The following PLCL1 variants were observed in gnomAD, a reference collection of about 807,000 sequenced individuals.
The protein encoded by PLCL1 is phospholipase C like 1 (inactive).
Under a neutral mutation model 84.4 loss-of-function variants are expected in PLCL1, and 41 were observed. That is an observed-to-expected ratio of 0.49 (90% CI 0.38 to 0.63). The LOEUF is 0.63. Ranked by LOEUF, PLCL1 falls within the 30% of genes least tolerant of loss-of-function variation. The pLI is 0.00. For missense variants in PLCL1, 1,206 were observed against 1,367.8 expected (o/e 0.88, Z 1.87); for synonymous variants, 490 against 488.3 (o/e 1.00, Z -0.05).
chr2:197,833,878 A>G (rs1025451796), intron 1 of PLCL1, among the ~76,000 whole-genome samples: 17 of 152,248 alleles, frequency 1.1e-4, no homozygotes, highest in African/African-American at 2.4e-5. Context: ...AGCAAAAAGA[A>G]CAAAGCTGGA....
rs1430883028 is a variant in PLCL1 at position 198,029,832 on chromosome 2, C to T, written c.241-53926C>T. Among the ~76,000 whole-genome samples, 7 of 103,732 alleles carry T rather than the reference C, an allele frequency of 6.7e-5. No homozygotes were observed. The Admixed American group carries it at 7.0e-4, about 10-fold the overall frequency. 68.1% of individuals were successfully genotyped at this position (103,732 alleles called of 152,430 possible). A position where few individuals can be genotyped will look rare whatever the true frequency, so the allele number is the denominator to read the frequency against. On this transcript the variant is annotated intron_variant, in intron 1 of 5. Transcript: ENST00000428675. ...TCTCCTGCTTCAGTTTCCTGAGTAG[C>T]TGGGATTACAGGCATGCATCACCAT...
intron 1 of PLCL1, among the ~76,000 whole-genome samples, chr2:198,032,818 T>C: frequency 6.6e-6 from 1 of 152,174 alleles, no homozygotes; most frequent in East Asian, 1.9e-4. Context: ...GTTATCTTAA[T>C]TATTATTATC....
At chr2:198,100,013 G>A (rs1304382743) in intron 3 of PLCL1, among the ~76,000 whole-genome samples, 1 of 152,102 alleles carries the variant, frequency 6.6e-6, no homozygotes, top group African/African-American at 2.4e-5. Context: ...AAATAAGAGT[G>A]GAGAAATCTA....
intron 1 of PLCL1, among the ~76,000 whole-genome samples, chr2:197,898,835 A>G (rs951754272): frequency 9.9e-5 from 15 of 151,122 alleles, no homozygotes; most frequent in Middle Eastern, 3.2e-3. Flanking sequence ...CAATTGTAGC[A>G]TAAGGATAAT....
intron 1 of PLCL1, among the ~76,000 whole-genome samples, chr2:198,064,726 CA>C (rs1692282716): frequency 6.6e-6 from 1 of 151,984 alleles, no homozygotes; most frequent in African/African-American, 2.4e-5. Context: ...GGAACTTTGC[CA>C]AAATTGTATT....
In PLCL1 at chr2:198,013,065, A is replaced by G. The variant is rs540327393; in HGVS notation, c.241-70693A>G. 1.0e-3 allele frequency among the ~76,000 whole-genome samples: 158 copies of G among 152,124 alleles called. 5 individuals carry two copies. The South Asian group carries it at 0.032, about 31-fold the overall frequency. On this transcript the variant is annotated intron_variant, in intron 1 of 5. Transcript: ENST00000428675. The stretch of plus-strand genomic sequence containing the variant: ...GAACATAGATTTATCATTACTTTTT[A>G]TGCTTTATTAAATAGATTTTAAAAA...
Position 198,087,236 on chromosome 2 carries a change from G to A in PLCL1, c.2715+1004G>A, listed in dbSNP as rs181176071. Among the ~76,000 whole-genome samples, 24 of 152,064 alleles carry A rather than the reference G, an allele frequency of 1.6e-4. No homozygotes were observed. In the East Asian group the frequency reaches 4.3e-3, roughly 27 times the overall value. On this transcript the variant is annotated intron_variant, in intron 2 of 5. Transcript: ENST00000428675. The stretch of plus-strand genomic sequence containing the variant: ...GGTAAGAAAAATAGTTACACTTATC[G>A]CAAAATTATTATTAGAGTAAAATTA...
rs1299386153 is a variant in PLCL1 at position 197,805,230 on chromosome 2, A to G, written c.131A>G (p.Asp44Gly). The G allele has an allele frequency of 5.5e-5, 70 of 1,273,616 alleles. No individual in the cohort carries two copies. Among genetic ancestry groups the G allele is most frequent in the Non-Finnish European group, 6.0e-5 (61 of 1,011,932 alleles). 78.9% of individuals were successfully genotyped at this position (1,273,616 alleles called of 1,614,324 possible). A position where few individuals can be genotyped will look rare whatever the true frequency, so the allele number is the denominator to read the frequency against. The change falls in exon 1 of 6, where the codon GAC (aspartate) becomes GGC (glycine). Residue 44 changes from aspartate to glycine, a missense_variant. Physicochemically the swap from Asp to Gly is moderately conservative, Grantham distance 94. Coordinates refer to ENST00000428675, the MANE Select transcript of PLCL1 (RefSeq NM_006226.4). The surrounding 1 kb of genome is among the most constrained non-coding windows in gnomAD (Gnocchi z 4.0). ...GCGGCCTCTGGGGGCCGGATGAGGG[A>G]CCGTCGCAGCGGGGTCGCACTGCCA... The part of the protein sequence containing the change: ...VTAASGGRMR[D>G]RRSGVALPGA...
chr2:197,973,153 G>A (rs1184378172), intron 1 of PLCL1, among the ~76,000 whole-genome samples: 1 of 152,208 alleles, frequency 6.6e-6, no homozygotes, highest in Non-Finnish European at 1.5e-5. Flanking sequence ...CATGAGGCGA[G>A]TCCCTACTGT....
chr2:198,129,820 C>T (rs1043605809), intron 5 of PLCL1, among the ~76,000 whole-genome samples: 1 of 151,990 alleles, frequency 6.6e-6, no homozygotes, highest in Non-Finnish European at 1.5e-5. Flanking sequence ...TTCCTTACCT[C>T]CCACTCACTT....
chr2:197,885,483 C>G (rs1687903661), intron 1 of PLCL1, among the ~76,000 whole-genome samples: 1 of 152,158 alleles, frequency 6.6e-6, no homozygotes, highest in Non-Finnish European at 1.5e-5. Flanking sequence ...TTGGCTGATG[C>G]CCACAGTGGG....
At chr2:198,124,213 C>T (rs1376329323) in intron 5 of PLCL1, among the ~76,000 whole-genome samples, 1 of 152,102 alleles carries the variant, frequency 6.6e-6, no homozygotes, top group Non-Finnish European at 1.5e-5. Context: ...ATAGGACAGT[C>T]TCCTTAACCA....
At chr2:198,098,914 C>G (rs886309464) in intron 3 of PLCL1, among the ~76,000 whole-genome samples, 7 of 152,146 alleles carry the variant, frequency 4.6e-5, no homozygotes, top group African/African-American at 1.7e-4. Flanking sequence ...TAAAGGGTAA[C>G]TTTACACACC....
At chr2:198,087,788 G>T (rs2105900796) in intron 2 of PLCL1, among the ~76,000 whole-genome samples, 1 of 152,174 alleles carries the variant, frequency 6.6e-6, no homozygotes. Flanking sequence ...GACTTTTCAT[G>T]TACCTTATAA....
intron 1 of PLCL1, among the ~76,000 whole-genome samples, chr2:198,014,598 G>C (rs898202748): frequency 6.6e-6 from 1 of 151,886 alleles, no homozygotes; most frequent in African/African-American, 2.4e-5. Context: ...ATAACCATGT[G>C]GGAAGTTTTA....
intron 1 of PLCL1, among the ~76,000 whole-genome samples, chr2:197,885,018 C>T (rs1001245148): frequency 2.0e-5 from 3 of 152,172 alleles, no homozygotes. Flanking sequence ...TCTGTAAACT[C>T]ATCATCTACC....
chr2:197,958,285 T>C (rs1357577573), intron 1 of PLCL1, among the ~76,000 whole-genome samples: 1 of 151,918 alleles, frequency 6.6e-6, no homozygotes, highest in Non-Finnish European at 1.5e-5. Context: ...TCTTTTGGCT[T>C]CCCTGGTCCA....
intron 1 of PLCL1, among the ~76,000 whole-genome samples, chr2:197,826,313 T>C (rs1690927597): frequency 6.6e-6 from 1 of 152,178 alleles, no homozygotes; most frequent in Admixed American, 6.5e-5. Context: ...ACAACTAAAA[T>C]GAAAACAATG....
rs1227776693 is a variant in PLCL1, at chr2:198,086,002, C to T, written c.2485C>T (p.Arg829Cys). ...GCCTGGATATCGGCATGTTCCCCTGCGTTCTTTTGTGGGTGACATCATGGA... is the reference window on the plus strand; with the variant it reads ...GCCTGGATATCGGCATGTTCCCCTGTGTTCTTTTGTGGGTGACATCATGGA... ...LQPGYRHVPL[R>C]SFVGDIMEHV... Residue 829 changes from arginine to cysteine, a missense_variant, in exon 2 of 6, where the codon CGT (arginine) becomes TGT (cysteine). Arg to Cys is a radical substitution (Grantham distance 180). Transcript: ENST00000428675. 4.3e-6 allele frequency: 7 copies of T among 1,613,876 alleles called. No homozygotes were observed. In the Admixed American group the frequency reaches 1.0e-4, roughly 23 times the overall value.
Sources: allele counts gnomAD v4.1 joint callset (sites outside exome capture counted in the v4.1 genomes callset), GRCh38; gene constraint gnomAD v4.1.1; non-coding constraint Gnocchi (gnomAD v3.1); transcripts MANE v1.5; gene names NCBI Gene and HGNC (gene_info 2026-07-23, HGNC 2026-07-21).